KANSL1: variants seen among roughly 807,000 people sequenced by gnomAD.
The protein encoded by KANSL1 is MLL1/MLL complex subunit KANSL1.
KANSL1 carries 22 observed loss-of-function variants against 103.6 expected under a neutral mutation model. That is an observed-to-expected ratio of 0.21 (90% confidence interval 0.15 to 0.30). The LOEUF is 0.30. KANSL1 is among the 10% of genes least tolerant of loss of function. The pLI is 1.00. For missense variants in KANSL1, 1,337 were observed against 1,399.8 expected, an observed-to-expected ratio of 0.96 and a Z score of 0.72; for synonymous variants, 600 against 527.6, an observed-to-expected ratio of 1.14 and a Z score of -1.88.
chr17:46,220,505 T>C, intron 1 of KANSL1, among the ~76,000 whole-genome samples: 1 of 151,996 alleles, frequency 6.6e-6, no homozygotes, highest in East Asian at 2.0e-4. Context: ...CGTGAGCCAC[T>C]GCGCCCAGCT....
At chr17:46,044,557 T>TAA (rs1269435528) in intron 7 of KANSL1, 6 of 152,240 alleles carry the variant, frequency 3.9e-5, no homozygotes, top group Non-Finnish European at 8.8e-5. Flanking sequence ...GCCCCTTTTA[T>TAA]AAAGTTAACA....
In KANSL1 at chr17:46,149,496, G is replaced by A. The variant is rs141176079; in HGVS notation, c.1289+21359C>T. ...AGGCTTTGCAGGCCACACAGTCTCC[G>A]TCTCAACTACACAACTCTTGCCATT... On this transcript the variant is annotated intron_variant, in intron 2 of 14. Coordinates refer to ENST00000432791, the MANE Select transcript of KANSL1 (RefSeq NM_015443.4). 5.4e-3 allele frequency among the ~76,000 whole-genome samples: 818 copies of A among 152,322 alleles called. 7 individuals carry two copies. The highest frequency in any genetic ancestry group is 0.018 in the African/African-American group (733 of 41,568).
chr17:46,035,804 GTTAGTACCTTC>G (rs1234822231), intron 10 of KANSL1: 1 of 152,138 alleles, frequency 6.6e-6, no homozygotes, highest in Non-Finnish European at 1.5e-5. Flanking sequence ...TGGGCTTGTT[GTTAGTACCTTC>G]GAGAAAAAGA....
intron 10 of KANSL1, chr17:46,038,319 A>G: frequency 1.7e-6 from 1 of 572,776 alleles, no homozygotes; most frequent in Non-Finnish European, 3.1e-6. Flanking sequence ...GCATAAATCC[A>G]TCTCTGCTAT....
intron 1 of KANSL1, 143 bp from the exon 2 acceptor site, chr17:46,172,375 T>A (rs2046331176): frequency 1.8e-6 from 1 of 547,828 alleles, no homozygotes; most frequent in African/African-American, 2.0e-5. Flanking sequence ...CCACAGTTAT[T>A]CTAGAGACCC....
At chr17:46,081,432 A>G (rs1288268305) in intron 4 of KANSL1, among the ~76,000 whole-genome samples, 2 of 152,178 alleles carry the variant, frequency 1.3e-5, no homozygotes, top group Non-Finnish European at 2.9e-5. Context: ...TATAGACTTA[A>G]ATAGTGGCAA....
Position 46,172,340 on chromosome 17 carries a change from A to G in KANSL1, c.-89-108T>C, listed in dbSNP as rs571096682. Reference sequence around the variant, plus strand: ...GCTGTTGTCTAAACTGCCTCCAGAAAGAAAACACTCTGGAGCTAACTGTAC... The same window carrying G: ...GCTGTTGTCTAAACTGCCTCCAGAAGGAAAACACTCTGGAGCTAACTGTAC... On this transcript the variant is annotated intron_variant, in intron 1 of 14. Coordinates refer to ENST00000432791, the MANE Select transcript of KANSL1 (RefSeq NM_015443.4). 38 of 621,686 alleles carry G rather than the reference A, an allele frequency of 6.1e-5. No individual in the cohort carries two copies. The South Asian group carries it at 7.8e-4, about 13-fold the overall frequency. 38.5% of individuals were successfully genotyped at this position (621,686 alleles called of 1,614,324 possible). A position where few individuals can be genotyped will look rare whatever the true frequency, so the allele number is the denominator to read the frequency against.
intron 6 of KANSL1, among the ~76,000 whole-genome samples, chr17:46,054,445 G>A (rs2077845215): frequency 6.6e-6 from 1 of 152,128 alleles, no homozygotes; most frequent in Non-Finnish European, 1.5e-5. Context: ...TTCTCAAATG[G>A]GTTTCTTCAA....
At chr17:46,078,105 C>A (rs2078854477) in intron 4 of KANSL1, among the ~76,000 whole-genome samples, 1 of 152,082 alleles carries the variant, frequency 6.6e-6, no homozygotes, top group Non-Finnish European at 1.5e-5. Flanking sequence ...ACTACTACTA[C>A]CTGGTTACCT....
At chr17:46,051,808 C>G (rs1036782112) in intron 6 of KANSL1, among the ~76,000 whole-genome samples, 1 of 152,194 alleles carries the variant, frequency 6.6e-6, no homozygotes, top group African/African-American at 2.4e-5. Flanking sequence ...ATCTCGAAAG[C>G]CTTTTATGGA....
chr17:46,120,211 A>G (rs1239092360), intron 2 of KANSL1, among the ~76,000 whole-genome samples: 1 of 152,238 alleles, frequency 6.6e-6, no homozygotes, highest in East Asian at 1.9e-4. Flanking sequence ...GTAAGTTAAA[A>G]AAGAATCTTA....
intron 2 of KANSL1, among the ~76,000 whole-genome samples, chr17:46,141,040 C>T (rs1196570769): frequency 1.3e-5 from 2 of 151,440 alleles, no homozygotes; most frequent in Non-Finnish European, 2.9e-5. Flanking sequence ...TCAGATAAAG[C>T]ATTCCCAGAA....
At chr17:46,105,929 ACACACACACACACACACACCC>A (rs1567680625) in intron 2 of KANSL1, among the ~76,000 whole-genome samples, 68 of 106,130 alleles carry the variant, frequency 6.4e-4, no homozygotes, top group South Asian at 5.1e-3. Flanking sequence ...ACACACACAC[ACACACACACACACACACACCC>A]CCCCAGAAGG....
At chr17:46,036,648 G>A (rs2146342672) in intron 10 of KANSL1, among the ~76,000 whole-genome samples, 1 of 152,202 alleles carries the variant, frequency 6.6e-6, no homozygotes, top group Admixed American at 6.5e-5. Context: ...TGCTATCTAT[G>A]GGAGGTCCTG....
intron 1 of KANSL1, among the ~76,000 whole-genome samples, chr17:46,205,806 G>A (rs2047948034): frequency 6.6e-6 from 1 of 152,032 alleles, no homozygotes; most frequent in South Asian, 2.1e-4. Context: ...GGCCAGGTGT[G>A]ATGGCTCACA....
intron 3 of KANSL1, among the ~76,000 whole-genome samples, chr17:46,091,569 C>T (rs1360086042): frequency 6.6e-6 from 1 of 152,174 alleles, no homozygotes; most frequent in Non-Finnish European, 1.5e-5. Flanking sequence ...AAGCTCCATT[C>T]ATGGTAAGTG....
At chr17:46,188,431 T>G (rs2047134942) in intron 1 of KANSL1, among the ~76,000 whole-genome samples, 1 of 152,238 alleles carries the variant, frequency 6.6e-6, no homozygotes, top group Non-Finnish European at 1.5e-5. Flanking sequence ...AATTTAAACA[T>G]ACATCTTCAG....
intron 3 of KANSL1, among the ~76,000 whole-genome samples, chr17:46,084,149 C>G (rs1052691819): frequency 1.8e-5 from 2 of 113,008 alleles, no homozygotes; most frequent in African/African-American, 5.3e-5. Flanking sequence ...GAAGCTGAGG[C>G]GGGTGGATCA....
rs558445615 is a variant in KANSL1 at position 46,153,860 on chromosome 17, G to A, written c.1289+16995C>T. On this transcript the variant is annotated intron_variant, in intron 2 of 14. Coordinates refer to ENST00000432791, the MANE Select transcript of KANSL1 (RefSeq NM_015443.4). The stretch of plus-strand genomic sequence containing the variant: ...GGAGTTAATTGTCTAAGTCAGGTAA[G>A]AAAAGAGTGAAAAAGTTGAACAGCA... Among the ~76,000 whole-genome samples the A allele has an allele frequency of 3.3e-5, 5 of 152,342 alleles. No homozygotes were observed. In the South Asian group the frequency reaches 6.2e-4, roughly 19 times the overall value.
Sources: allele counts gnomAD v4.1 joint callset (sites outside exome capture counted in the v4.1 genomes callset), GRCh38; gene constraint gnomAD v4.1.1; transcripts MANE v1.5; gene names NCBI Gene and HGNC (gene_info 2026-07-23, HGNC 2026-07-21).